The following CDH18 variants were observed in gnomAD, a reference collection of about 807,000 sequenced individuals.
CDH18 encodes cadherin 18, also known as cadherin-18.
Under a neutral mutation model 67.9 loss-of-function variants are expected in CDH18, and 31 were observed. That is an observed-to-expected ratio of 0.46 (90% CI 0.34 to 0.62). CDH18 has a LOEUF of 0.62. CDH18 is among the 20% of genes least tolerant of loss of function. CDH18 has a pLI of 0.01. For missense variants in CDH18, 890 were observed against 975.5 expected (o/e 0.91, Z 1.17); for synonymous variants, 362 against 347.2 (o/e 1.04, Z -0.48).
At chr5:19,915,343 G>A (rs879712693) in intron 2 of CDH18, among the ~76,000 whole-genome samples, 2 of 152,068 alleles carry the variant, frequency 1.3e-5, no homozygotes, top group Non-Finnish European at 1.5e-5. Flanking sequence ...TTTTATAGCT[G>A]ACCCTTGGAC....
At chr5:19,866,134 G>C (rs1396344253) in intron 2 of CDH18, among the ~76,000 whole-genome samples, 3 of 152,140 alleles carry the variant, frequency 2.0e-5, no homozygotes, top group Non-Finnish European at 2.9e-5. Context: ...TCTGAAAACA[G>C]AAACCAAGTC....
chr5:19,590,261 A>G (rs1407494617), intron 7 of CDH18, among the ~76,000 whole-genome samples: 1 of 152,134 alleles, frequency 6.6e-6, no homozygotes, highest in Non-Finnish European at 1.5e-5. Context: ...ATGAGAAAAT[A>G]CTTTAGGTGA....
At chr5:19,523,045 A>C (rs1295674418) in intron 9 of CDH18, among the ~76,000 whole-genome samples, 3 of 152,108 alleles carry the variant, frequency 2.0e-5, no homozygotes, top group Non-Finnish European at 2.9e-5. Context: ...ATAGAAATTT[A>C]ATATATGGTG....
chr5:20,470,938 A>T (rs921763897), intron 1 of CDH18, among the ~76,000 whole-genome samples: 2 of 152,154 alleles, frequency 1.3e-5, no homozygotes, highest in Admixed American at 1.3e-4. Flanking sequence ...CGTTCCTATC[A>T]TACTGTTATT....
intron 11 of CDH18, among the ~76,000 whole-genome samples, chr5:19,486,136 A>G (rs979627631): frequency 1.3e-5 from 2 of 152,112 alleles, no homozygotes; most frequent in African/African-American, 4.8e-5. Context: ...CCACCTAGAA[A>G]GGCTTAGCAC....
At chr5:20,546,081 A>C (rs1241306875) in intron 1 of CDH18, among the ~76,000 whole-genome samples, 1 of 152,166 alleles carries the variant, frequency 6.6e-6, no homozygotes, top group Non-Finnish European at 1.5e-5. Flanking sequence ...GGGTGGGGGC[A>C]AAATGCTGCC....
intron 1 of CDH18, among the ~76,000 whole-genome samples, chr5:20,567,383 C>A (rs939499202): frequency 2.0e-5 from 3 of 151,880 alleles, no homozygotes; most frequent in Non-Finnish European, 2.9e-5. Context: ...ATTTTGTTTT[C>A]TCAATGACAG....
chr5:20,162,243 TG>T (rs1186347034), intron 2 of CDH18, among the ~76,000 whole-genome samples: 3 of 152,002 alleles, frequency 2.0e-5, no homozygotes, highest in African/African-American at 7.2e-5. Flanking sequence ...AATTAGTTTT[TG>T]GTCTCATGAT....
intron 2 of CDH18, among the ~76,000 whole-genome samples, chr5:20,238,777 T>C (rs1188792159): frequency 6.6e-6 from 1 of 152,130 alleles, no homozygotes; most frequent in African/African-American, 2.4e-5. Flanking sequence ...CTGTAGACAA[T>C]CCAAATGTCT....
chr5:20,320,932 G>C (rs1737962832), intron 1 of CDH18, among the ~76,000 whole-genome samples: 1 of 152,054 alleles, frequency 6.6e-6, no homozygotes, highest in Non-Finnish European at 1.5e-5. Context: ...TATTGTAGCT[G>C]TTTGGGGTGG....
intron 3 of CDH18, among the ~76,000 whole-genome samples, chr5:19,783,690 T>C (rs1459600309): frequency 6.6e-6 from 1 of 152,178 alleles, no homozygotes. Context: ...GTGTCTTTCG[T>C]TGGGGCTTGC....
chr5:20,549,773 A>C (rs753691478), intron 1 of CDH18, among the ~76,000 whole-genome samples: 4 of 152,172 alleles, frequency 2.6e-5, no homozygotes, highest in Non-Finnish European at 4.4e-5. Flanking sequence ...AAGGCAGTAG[A>C]GTGGGGATAG....
chr5:20,361,754 A>C (rs1312168475), intron 1 of CDH18, among the ~76,000 whole-genome samples: 1 of 152,136 alleles, frequency 6.6e-6, no homozygotes, highest in East Asian at 1.9e-4. Flanking sequence ...TTATGATTAT[A>C]TAGGTTATTT....
At chr5:19,752,501 T>C (rs1770983066) in intron 3 of CDH18, among the ~76,000 whole-genome samples, 1 of 151,958 alleles carries the variant, frequency 6.6e-6, no homozygotes, top group African/African-American at 2.4e-5. Flanking sequence ...CTTGCCCTCA[T>C]CCCCCACAGC....
intron 5 of CDH18, among the ~76,000 whole-genome samples, chr5:19,715,221 G>T (rs1463062133): frequency 2.6e-5 from 4 of 152,092 alleles, no homozygotes; most frequent in African/African-American, 9.7e-5. Context: ...ATTTGGGGAG[G>T]TAATAGAGAA....
intron 1 of CDH18, among the ~76,000 whole-genome samples, chr5:20,291,629 C>T (rs2126735564): frequency 6.6e-6 from 1 of 152,208 alleles, no homozygotes; most frequent in South Asian, 2.1e-4. Flanking sequence ...CAGTAACCAA[C>T]ATGAGATGTG....
At chr5:19,545,186 T>C (rs1736102700) in intron 8 of CDH18, among the ~76,000 whole-genome samples, 1 of 152,188 alleles carries the variant, frequency 6.6e-6, no homozygotes, top group Non-Finnish European at 1.5e-5. Context: ...ATATTTTATC[T>C]AGACCTGAAA....
chr5:20,026,154 G>A (rs1738878292), intron 2 of CDH18, among the ~76,000 whole-genome samples: 1 of 152,136 alleles, frequency 6.6e-6, no homozygotes, highest in Non-Finnish European at 1.5e-5. Context: ...TGTTCTTAGA[G>A]AAGTGCCGTA....
intron 9 of CDH18, among the ~76,000 whole-genome samples, chr5:19,541,359 A>T (rs769420189): frequency 6.6e-6 from 1 of 151,984 alleles, no homozygotes; most frequent in Non-Finnish European, 1.5e-5. Flanking sequence ...CATTTTTTTT[A>T]TCTTCTTCTG....
Sources: allele counts gnomAD v4.1 joint callset (sites outside exome capture counted in the v4.1 genomes callset), GRCh38; gene constraint gnomAD v4.1.1; transcripts MANE v1.5; gene names NCBI Gene and HGNC (gene_info 2026-07-23, HGNC 2026-07-21).